Variants in ADAMTSL1 observed in about 807,000 individuals in gnomAD.
ADAMTSL1 encodes the protein ADAMTS like 1.
ADAMTSL1 carries 126 observed loss-of-function variants against 201.8 expected under a neutral mutation model. The ratio of observed to expected loss-of-function variants is 0.62; its 90% CI spans 0.54 to 0.72. The LOEUF (loss-of-function observed/expected upper bound fraction) is 0.72. ADAMTSL1 is among the 30% of genes least tolerant of loss of function. The pLI is 0.00. For missense variants in ADAMTSL1, 2,679 were observed against 2,277.8 expected (o/e 1.18, Z -3.59); for synonymous variants, 1,121 against 903.4 (o/e 1.24, Z -4.32).
At chr9:18,469,004 A>G (rs568606091) in intron 2 of ADAMTSL1, among the ~76,000 whole-genome samples, 69 of 152,338 alleles carry the variant, frequency 4.5e-4, no homozygotes, top group African/African-American at 1.5e-3. Context: ...TGCCCATTAC[A>G]CAACCTGCAG....
intron 2 of ADAMTSL1, among the ~76,000 whole-genome samples, chr9:18,229,295 A>T (rs1233560171): frequency 1.3e-5 from 2 of 152,086 alleles, no homozygotes; most frequent in Admixed American, 1.3e-4. Context: ...CAACTGTGTG[A>T]AGTAGTGTTG....
intron 2 of ADAMTSL1, among the ~76,000 whole-genome samples, chr9:18,506,414 G>A (rs1265069108): frequency 6.6e-6 from 1 of 152,122 alleles, no homozygotes; most frequent in Admixed American, 6.5e-5. Flanking sequence ...GCCAAAACAT[G>A]TGTCTCACAA....
At chr9:17,982,516 G>A (rs925683910) in intron 1 of ADAMTSL1, among the ~76,000 whole-genome samples, 1 of 152,150 alleles carries the variant, frequency 6.6e-6, no homozygotes, top group Admixed American at 6.5e-5. Flanking sequence ...GGAGGCTGAG[G>A]CAGGAGAATT....
At position 18,333,814 on chromosome 9, in the gene ADAMTSL1, C is replaced by G. The variant is rs1586911461; in HGVS notation, c.207+169833C>G. Among the ~76,000 whole-genome samples, 3 of 152,256 alleles carry G rather than the reference C, an allele frequency of 2.0e-5. No homozygotes were observed. The East Asian group carries it at 5.8e-4, about 29-fold the overall frequency. ...TTATTTGAGTAATTGTGTTGAGATT[C>G]TTCAGAGGGATTACTGATTTAATAT... is the stretch of plus-strand genomic sequence containing the variant. On this transcript the variant is annotated intron_variant, in intron 2 of 29. Transcript: ENST00000680146.
chr9:18,314,413 T>C (rs1834278892), intron 2 of ADAMTSL1, among the ~76,000 whole-genome samples: 1 of 152,100 alleles, frequency 6.6e-6, no homozygotes, highest in South Asian at 2.1e-4. Context: ...CCGGAGTTTG[T>C]TCCTTCTGGT....
intron 2 of ADAMTSL1, among the ~76,000 whole-genome samples, chr9:18,319,165 G>T (rs1834524695): frequency 2.6e-5 from 4 of 152,086 alleles, no homozygotes; most frequent in Admixed American, 2.6e-4. Context: ...GAGCCATGAA[G>T]GTGCCAGCCT....
Position 18,680,580 on chromosome 9 carries a change from G to T in ADAMTSL1, c.1341+64G>T, listed in dbSNP as rs145582476. ...GTCCACTCTTCCCTCTCATCATCAT[G>T]GCCCCACCGGGTACCCTGAGCAGCT... On this transcript the variant is annotated intron_variant, in intron 11 of 28. Transcript: ENST00000380548. 473 of 1,562,548 alleles carry T rather than the reference G, an allele frequency of 3.0e-4. 2 individuals are homozygous for T. The East Asian group carries it at 8.8e-3, about 29-fold the overall frequency.
At chr9:18,597,423 A>G (rs1824341980) in intron 4 of ADAMTSL1, among the ~76,000 whole-genome samples, 1 of 152,194 alleles carries the variant, frequency 6.6e-6, no homozygotes, top group Non-Finnish European at 1.5e-5. Context: ...TATTATTAAT[A>G]TGCTTATCAA....
At chr9:18,629,216 C>A (rs191956059) in intron 5 of ADAMTSL1, among the ~76,000 whole-genome samples, 3 of 150,758 alleles carry the variant, frequency 2.0e-5, no homozygotes, top group South Asian at 4.2e-4. Context: ...GGTTTTGCCT[C>A]TTTTCAATTT....
chr9:18,181,688 G>C (rs1828485752), intron 2 of ADAMTSL1, among the ~76,000 whole-genome samples: 1 of 152,022 alleles, frequency 6.6e-6, no homozygotes, highest in Non-Finnish European at 1.5e-5. Context: ...CACTGTTGGT[G>C]GGACTGTAAA....
At chr9:18,004,150 G>T (rs1005003357) in intron 1 of ADAMTSL1, among the ~76,000 whole-genome samples, 6 of 151,946 alleles carry the variant, frequency 3.9e-5, no homozygotes, top group Non-Finnish European at 8.8e-5. Flanking sequence ...CTGAGGAAAT[G>T]TTTCAGCTAG....
At chr9:17,966,370 T>C (rs72695992) in intron 1 of ADAMTSL1, among the ~76,000 whole-genome samples, 7,217 of 152,234 alleles carry the variant, frequency 0.047, 235 homozygotes, top group Non-Finnish European at 0.06. Context: ...TATGACTTAA[T>C]GAAGTTGAAG....
At chr9:18,593,149 T>C (rs764618424) in intron 4 of ADAMTSL1, among the ~76,000 whole-genome samples, 7 of 152,162 alleles carry the variant, frequency 4.6e-5, no homozygotes, top group Non-Finnish European at 7.4e-5. Context: ...TATAAGATTA[T>C]ATAATCTGCA....
chr9:18,257,231 CAA>C (rs1831721796), intron 2 of ADAMTSL1, among the ~76,000 whole-genome samples: 1 of 152,104 alleles, frequency 6.6e-6, no homozygotes, highest in African/African-American at 2.4e-5. Context: ...TTTTTAAAAA[CAA>C]AAAGTTATTT....
chr9:18,004,528 G>T, intron 1 of ADAMTSL1, among the ~76,000 whole-genome samples: 1 of 152,030 alleles, frequency 6.6e-6, no homozygotes, highest in African/African-American at 2.4e-5. Flanking sequence ...GTGCACAGAG[G>T]TAAATTGCAT....
At chr9:17,968,651 A>G (rs1818076755) in intron 1 of ADAMTSL1, among the ~76,000 whole-genome samples, 1 of 152,012 alleles carries the variant, frequency 6.6e-6, no homozygotes, top group Admixed American at 6.6e-5. Flanking sequence ...TGCTAGTTTG[A>G]TTTCATCTGT....
chr9:18,283,916 T>TAAAAAAAAAA (rs71333034), intron 2 of ADAMTSL1, among the ~76,000 whole-genome samples: 15 of 26,588 alleles, frequency 5.6e-4, no homozygotes, highest in Admixed American at 1.2e-3. Flanking sequence ...AGACTCCGTC[T>TAAAAAAAAAA]AAAAAAAAAA....
At chr9:18,661,830 G>T in intron 8 of ADAMTSL1, 105 bp from the exon 9 acceptor site, 1 of 1,190,208 alleles carries the variant, frequency 8.4e-7, no homozygotes, top group Non-Finnish European at 1.1e-6. Context: ...AATGACTAAG[G>T]CATTGGGGAA....
At chr9:18,409,862 A>G (rs1818361142) in intron 2 of ADAMTSL1, among the ~76,000 whole-genome samples, 2 of 150,430 alleles carry the variant, frequency 1.3e-5, no homozygotes, top group South Asian at 2.1e-4. Context: ...ATGAAAATTT[A>G]TATATGTATA....
Sources: allele counts gnomAD v4.1 joint callset (sites outside exome capture counted in the v4.1 genomes callset), GRCh38; gene constraint gnomAD v4.1.1; transcripts MANE v1.5; gene names NCBI Gene and HGNC (gene_info 2026-07-23, HGNC 2026-07-21).